ZNF318: variants seen among roughly 807,000 people sequenced by gnomAD.
The protein encoded by ZNF318 is zinc finger protein 318.
ZNF318 carries 51 observed loss-of-function variants against 124.2 expected under a neutral mutation model. That is an observed-to-expected ratio of 0.41 (90% CI 0.33 to 0.52). The LOEUF is 0.52. Among genes scored for constraint, ZNF318 ranks in the 20% least tolerant of loss-of-function variants. ZNF318 has a pLI of 0.23. For missense variants in ZNF318, 2,815 were observed against 2,811.2 expected (o/e 1.00, Z -0.03); for synonymous variants, 1,090 against 1,040.7 (o/e 1.05, Z -0.91).
rs1164235797 is a variant in ZNF318 at position 43,365,395 on chromosome 6, T to C, written c.445A>G (p.Arg149Gly). ...AAGTGGTCATTGCCAACAGTGATCC[T>C]TAAGCTCTTTTCCAAAGAGTCAGAA... The part of the protein sequence containing the change: ...LCSDSLEKSL[R>G]ITVGNDHFCV... The change falls in exon 2 of 10, where the codon AGG (arginine) becomes GGG (glycine). Residue 149 changes from arginine (R) to glycine (G), a missense_variant. Around this residue, in one of 4 missense-constraint regions of ZNF318, gnomAD observed 1,377 missense variants for 1,353.5 expected, o/e 1.02. Coordinates refer to ENST00000361428, the MANE Select transcript of ZNF318 (RefSeq NM_014345.3). 6.2e-7 allele frequency: 1 copy of C among 1,614,166 alleles called. No homozygotes were observed. Among genetic ancestry groups the C allele is most frequent in the Non-Finnish European group, 8.5e-7 (1 of 1,180,004 alleles).
At position 43,336,930 on chromosome 6, in the gene ZNF318, GA is replaced by G; in HGVS notation, c.*227del. On this transcript the variant is annotated 3_prime_UTR_variant, in exon 10 of 10. Transcript: ENST00000361428. Reference sequence around the variant, plus strand: ...AAAATTAACAAAATACATTTTTACAGATATATATATATATATATAAGTTGTT... The same window carrying G: ...AAAATTAACAAAATACATTTTTACAGTATATATATATATATATAAGTTGTT... 4.9e-6 allele frequency: 1 copy of G among 204,838 alleles called. No individual in the cohort carries two copies. Among genetic ancestry groups the G allele is most frequent in the Non-Finnish European group, 9.2e-6 (1 of 108,822 alleles). The allele number at this position is 204,838 out of a possible 1,614,324, so 12.7% of individuals were successfully genotyped here. A position where few individuals can be genotyped will look rare whatever the true frequency, so the allele number is the denominator to read the frequency against.
chr6:43,363,730 G>A, intron 2 of ZNF318: 1 of 585,206 alleles, frequency 1.7e-6, no homozygotes, highest in Non-Finnish European at 3.0e-6. Flanking sequence ...CAAGGATGAG[G>A]TGTTGAAGAT....
intron 3 of ZNF318, among the ~76,000 whole-genome samples, chr6:43,356,380 T>C (rs868331449): frequency 6.6e-6 from 1 of 152,160 alleles, no homozygotes; most frequent in Non-Finnish European, 1.5e-5. Flanking sequence ...TCCTCACCTT[T>C]ATCTATTTGT....
At chr6:43,356,935 C>A (rs1016234201) in intron 3 of ZNF318, among the ~76,000 whole-genome samples, 191 bp downstream of exon 3, 3 of 152,076 alleles carry the variant, frequency 2.0e-5, no homozygotes, top group African/African-American at 7.2e-5. Context: ...TAATATACAG[C>A]AATAGAACCC....
At position 43,355,224 on chromosome 6, in the gene ZNF318, G is replaced by A. The variant is rs1779586940; in HGVS notation, c.2110C>T (p.Leu704=). The part of the protein sequence containing the change: ...PHPPSPVDPY[L]LTKNSPPFLK... Reference sequence around the variant, plus strand: ...AATGGAGGGCTGTTTTTTGTGAGCAGGTAAGGATCCACAGGAGAAGGTGGG... The same window carrying A: ...AATGGAGGGCTGTTTTTTGTGAGCAAGTAAGGATCCACAGGAGAAGGTGGG... The change falls in exon 4 of 10, where the codon CTG becomes TTG. Residue 704 remains leucine, a synonymous_variant. Coordinates refer to ENST00000361428, the MANE Select transcript of ZNF318 (RefSeq NM_014345.3). The A allele has an allele frequency of 6.2e-7, 1 of 1,614,076 alleles. No individual in the cohort carries two copies. The highest frequency in any genetic ancestry group is 8.5e-7 in the Non-Finnish European group (1 of 1,180,046).
Position 43,355,943 on chromosome 6 carries a change from C to T in ZNF318, c.1391G>A (p.Ser464Asn). ...GPLPGIPKDN[S>N]PLREKFGSFL... The stretch of plus-strand genomic sequence containing the variant: ...ACTTCCAAATTTTTCTCTGAGAGGA[C>T]TGTTGTCTTTGGGAATCCCAGGAAG... Residue 464 changes from serine to asparagine, a missense_variant, in exon 4 of 10, where the codon AGT becomes AAT. By Grantham distance (46) the Ser-to-Asn change is conservative. Transcript: ENST00000361428. The T allele has an allele frequency of 6.2e-7, 1 of 1,614,210 alleles. No individual in the cohort carries two copies. Among genetic ancestry groups the T allele is most frequent in the Non-Finnish European group, 8.5e-7 (1 of 1,180,040 alleles).
rs917892812 is a variant in ZNF318, at chr6:43,352,566, T to G, written c.2671-90A>C. The G allele has an allele frequency of 4.2e-6, 5 of 1,195,014 alleles. No homozygotes were observed. In the African/African-American group the frequency reaches 6.0e-5, roughly 14 times the overall value. The allele number at this position is 1,195,014 out of a possible 1,614,324, so 74.0% of individuals were successfully genotyped here. A position where few individuals can be genotyped will look rare whatever the true frequency, so the allele number is the denominator to read the frequency against. Reference sequence around the variant, plus strand: ...CCAGAAGCCTTCTTCCTAGACATTATCTGAATGTAAGGATCCAAATGCCTG... The same window carrying G: ...CCAGAAGCCTTCTTCCTAGACATTAGCTGAATGTAAGGATCCAAATGCCTG... On this transcript the variant is annotated intron_variant, in intron 4 of 9. Coordinates refer to ENST00000361428, the MANE Select transcript of ZNF318 (RefSeq NM_014345.3).
intron 1 of ZNF318, among the ~76,000 whole-genome samples, chr6:43,367,012 C>T (rs565549657): frequency 6.6e-6 from 1 of 152,200 alleles, no homozygotes; most frequent in South Asian, 2.1e-4. Context: ...CCACCAAGCC[C>T]GACTAATTAT....
chr6:43,368,823 T>C (rs1351742635), intron 1 of ZNF318, 144 bp downstream of exon 1: 1 of 1,234,522 alleles, frequency 8.1e-7, no homozygotes, highest in Non-Finnish European at 1.0e-6. Context: ...GACAGAAGCC[T>C]CCAGGCTCGG....
chr6:43,365,239 C>G, intron 2 of ZNF318, 53 bp downstream of exon 2: 6 of 1,562,398 alleles, frequency 3.8e-6, no homozygotes, highest in Non-Finnish European at 5.2e-6. Flanking sequence ...AAAACAGCAA[C>G]ATTTCTGCCT....
At chr6:43,353,183 A>G (rs1185969386) in intron 4 of ZNF318, among the ~76,000 whole-genome samples, 1 of 152,178 alleles carries the variant, frequency 6.6e-6, no homozygotes, top group Non-Finnish European at 1.5e-5. Context: ...ACCTCCAAAC[A>G]CTGTCTCTAA....
chr6:43,355,574 G>A lies in ZNF318; in HGVS notation c.1760C>T (p.Pro587Leu). 1.2e-6 allele frequency: 2 copies of A among 1,614,176 alleles called. No homozygotes were observed. Among genetic ancestry groups the A allele is most frequent in the Non-Finnish European group, 1.7e-6 (2 of 1,180,036 alleles). Residue 587 changes from proline (P) to leucine (L), a missense_variant, in exon 4 of 10, where the codon CCA becomes CTA. Coordinates refer to ENST00000361428, the MANE Select transcript of ZNF318 (RefSeq NM_014345.3). ...VKLESLEETN[P>L]EYAKIHDLLK... ...CAAGTCATGGATCTTCGCATATTCT[G>A]GATTGGTCTCTTCTAGTGATTCTAG...
At chr6:43,350,969 TA>T (rs1386000691) in intron 5 of ZNF318, among the ~76,000 whole-genome samples, 3 of 152,144 alleles carry the variant, frequency 2.0e-5, no homozygotes, top group African/African-American at 7.2e-5. Context: ...TTAAAAAGGA[TA>T]AAACAGTAAC....
chr6:43,358,544 G>T (rs1363689859), intron 2 of ZNF318, among the ~76,000 whole-genome samples: 1 of 150,666 alleles, frequency 6.6e-6, no homozygotes, highest in Non-Finnish European at 1.5e-5. Flanking sequence ...TTACAGGCAT[G>T]AGCCACCGCG....
chr6:43,354,594 CTAAAAA>C, intron 4 of ZNF318, 64 bp downstream of exon 4: 1 of 1,455,746 alleles, frequency 6.9e-7, no homozygotes, highest in Non-Finnish European at 9.3e-7. Context: ...TCAGCCCCTT[CTAAAAA>C]ACATATACAA....
In ZNF318 at chr6:43,357,447, G is replaced by C. The variant is rs1262757404; in HGVS notation, c.867C>G (p.His289Gln). 19 of 1,614,038 alleles carry C rather than the reference G, an allele frequency of 1.2e-5. No homozygotes were observed. Among genetic ancestry groups the C allele is most frequent in the Non-Finnish European group, 1.4e-5 (16 of 1,180,032 alleles). ...TVKINSMGGD[H>Q]PSFTSGTRNY... ...TGCGAGTTCCTGATGTAAAACTTGG[G>C]TGATCCCCTCCCATGCTGTTTATCT... Residue 289 changes from histidine to glutamine, a missense_variant, in exon 3 of 10, where the codon CAC becomes CAG. Coordinates refer to ENST00000361428, the MANE Select transcript of ZNF318 (RefSeq NM_014345.3).
chr6:43,358,159 G>T (rs1779636813), intron 2 of ZNF318, among the ~76,000 whole-genome samples: 1 of 152,204 alleles, frequency 6.6e-6, no homozygotes, highest in Non-Finnish European at 1.5e-5. Flanking sequence ...ACCCCAAGCA[G>T]ATCTGAACTA....
intron 8 of ZNF318, among the ~76,000 whole-genome samples, chr6:43,341,628 C>T (rs892933734): frequency 3.0e-5 from 4 of 135,176 alleles, no homozygotes; most frequent in Non-Finnish European, 4.6e-5. Context: ...CCAGCCTGGG[C>T]AACAGAGAGA....
chr6:43,340,423 GT>G lies in ZNF318; in HGVS notation c.3574del (p.Thr1192GlnfsTer9). On this transcript the variant is annotated frameshift_variant, in exon 10 of 10. Transcript: ENST00000361428. LOFTEE classifies it high-confidence loss of function. ...TAGCTCACTCTGCCGTCGCCGTTCT[GT>G]CTCTAGGACCACAGCCAAGCCAGCT... The part of the protein sequence containing the change: ...RQAGLAVVLE[T>X]ERRRQSELKR... 1 of 1,613,894 alleles carries G rather than the reference GT, an allele frequency of 6.2e-7. No individual in the cohort carries two copies. Among genetic ancestry groups the G allele is most frequent in the Non-Finnish European group, 8.5e-7 (1 of 1,180,000 alleles).
Sources: allele counts gnomAD v4.1 joint callset (sites outside exome capture counted in the v4.1 genomes callset), GRCh38; gene constraint gnomAD v4.1.1; regional missense constraint gnomAD v4.1.1; transcripts MANE v1.5; gene names NCBI Gene and HGNC (gene_info 2026-07-23, HGNC 2026-07-21).